Variants in HSD17B11 observed in about 807,000 individuals in gnomAD.
HSD17B11 encodes estradiol 17-beta-dehydrogenase 11.
A neutral mutation model predicts 27.8 loss-of-function variants in HSD17B11; 22 were observed. The observed-to-expected ratio is 0.79, with a 90% CI of 0.56 to 1.13. The LOEUF (loss-of-function observed/expected upper bound fraction) is 1.13, where lower values mean the gene tolerates loss of function less well. Among genes scored for constraint, HSD17B11 ranks in the 50% most tolerant of loss-of-function variants. The probability of loss-of-function intolerance (pLI) is 0.00; values close to 1 mark genes in which losing one functional copy is unlikely to be tolerated. For synonymous variants in HSD17B11, 117 were observed against 132.8 expected (o/e 0.88, Z 0.82); for missense variants, 314 against 351.1 (o/e 0.89, Z 0.84).
intron 3 of HSD17B11, among the ~76,000 whole-genome samples, chr4:87,373,870 C>CT (rs1735769144): frequency 6.6e-6 from 1 of 151,920 alleles, no homozygotes; most frequent in South Asian, 2.1e-4. Context: ...TCCAAGAAAA[C>CT]TTTGAGGGGC....
intron 5 of HSD17B11, among the ~76,000 whole-genome samples, chr4:87,343,417 G>A (rs1463073711): frequency 6.6e-6 from 1 of 152,082 alleles, no homozygotes; most frequent in Non-Finnish European, 1.5e-5. Flanking sequence ...CTGCTGGGGT[G>A]GGAAAGGAGG....
At chr4:87,345,303 G>A (rs1735250123) in intron 5 of HSD17B11, 1 of 151,916 alleles carries the variant, frequency 6.6e-6, no homozygotes, top group Non-Finnish European at 1.5e-5. Flanking sequence ...GACTCATGAG[G>A]TGCAGTGAAA....
chr4:87,374,032 A>G (rs1735772090), intron 3 of HSD17B11, among the ~76,000 whole-genome samples: 2 of 152,174 alleles, frequency 1.3e-5, no homozygotes, highest in African/African-American at 4.8e-5. Context: ...CCTGAGCCTC[A>G]TGCAAATTGA....
At chr4:87,388,829 A>G (rs114161644) in intron 1 of HSD17B11, among the ~76,000 whole-genome samples, 3,474 of 152,342 alleles carry the variant, frequency 0.023, 66 homozygotes, top group Non-Finnish European at 0.035. Context: ...AAGATCAGAG[A>G]AAATTTTGTA....
chr4:87,378,949 TATATA>T (rs1720048286), intron 2 of HSD17B11, among the ~76,000 whole-genome samples: 3 of 25,192 alleles, frequency 1.2e-4, no homozygotes, highest in African/African-American at 4.7e-4. Context: ...TATATATATT[TATATA>T]TATATATTTT....
chr4:87,361,006 A>G (rs557916569), intron 4 of HSD17B11, among the ~76,000 whole-genome samples: 2 of 152,340 alleles, frequency 1.3e-5, no homozygotes, highest in South Asian at 4.1e-4. Context: ...CATGCATATC[A>G]TGATTATTTT....
chr4:87,388,181 C>A (rs868166782), intron 1 of HSD17B11, among the ~76,000 whole-genome samples: 4,739 of 115,130 alleles, frequency 0.041, 287 homozygotes, highest in African/African-American at 0.15. Context: ...AAAAAAAAAA[C>A]AATCTAGTGG....
chr4:87,355,039 G>A (rs2110116294), intron 5 of HSD17B11, among the ~76,000 whole-genome samples: 1 of 151,398 alleles, frequency 6.6e-6, no homozygotes, highest in East Asian at 1.9e-4. Flanking sequence ...GGTTGCTTGA[G>A]CCCAGTTCAA....
chr4:87,378,540 C>A (rs1719966923), intron 2 of HSD17B11, among the ~76,000 whole-genome samples: 1 of 151,316 alleles, frequency 6.6e-6, no homozygotes, highest in South Asian at 2.1e-4. Flanking sequence ...TATTATTAAT[C>A]ATTTTTACTA....
chr4:87,389,020 T>A (rs1268157565), intron 1 of HSD17B11, among the ~76,000 whole-genome samples: 3 of 152,146 alleles, frequency 2.0e-5, no homozygotes, highest in African/African-American at 7.2e-5. Context: ...CTTTTTGAGG[T>A]ATGTATTGTT....
intron 6 of HSD17B11, among the ~76,000 whole-genome samples, chr4:87,339,544 G>T (rs757505188): frequency 2.0e-5 from 3 of 152,138 alleles, no homozygotes; most frequent in Non-Finnish European, 4.4e-5. Context: ...CACTGACTTG[G>T]AGAAGCCCAG....
At chr4:87,378,404 C>T (rs1457087762) in intron 2 of HSD17B11, among the ~76,000 whole-genome samples, 1 of 152,090 alleles carries the variant, frequency 6.6e-6, no homozygotes, top group Non-Finnish European at 1.5e-5. Flanking sequence ...CATTTTGATA[C>T]AGGCATGCAG....
intron 4 of HSD17B11, among the ~76,000 whole-genome samples, chr4:87,364,101 G>GAA (rs35359937): frequency 1.3e-5 from 2 of 151,944 alleles, no homozygotes; most frequent in Admixed American, 1.3e-4. Context: ...TGTTTTGCTG[G>GAA]AAAAAGGTTT....
chr4:87,374,576 T>C, intron 3 of HSD17B11, 123 bp downstream of exon 3: 5 of 840,788 alleles, frequency 5.9e-6, no homozygotes, highest in Non-Finnish European at 9.4e-6. Flanking sequence ...TTGTATAATG[T>C]TATCCCTGGT....
chr4:87,360,534 C>T (rs376704959), intron 4 of HSD17B11, among the ~76,000 whole-genome samples: 24 of 152,268 alleles, frequency 1.6e-4, no homozygotes, highest in Non-Finnish European at 2.9e-4. Flanking sequence ...CTGGTAATAC[C>T]GCTGTCACCA....
chr4:87,382,772 A>G lies in HSD17B11; in HGVS notation c.211-410T>C, dbSNP rs145917414. Reference sequence around the variant, plus strand: ...CTGCAAAAGAAATAATGAGTTAACCACAGTTCATTAAACCATTTGTTCTTT... The same window carrying G: ...CTGCAAAAGAAATAATGAGTTAACCGCAGTTCATTAAACCATTTGTTCTTT... On this transcript the variant is annotated intron_variant, in intron 1 of 6. Transcript: ENST00000358290. Among the ~76,000 whole-genome samples, 524 of 152,338 alleles carry G rather than the reference A, an allele frequency of 3.4e-3. 2 individuals are homozygous for G. The highest frequency in any genetic ancestry group is 0.012 in the African/African-American group (491 of 41,578).
In HSD17B11 at chr4:87,374,709, G is replaced by T; in HGVS notation, c.440C>A (p.Ala147Glu). The stretch of plus-strand genomic sequence containing the variant: ...AGAAGCCATACTCACCCAGAAATGT[G>T]CAAGTACATTAACTTCAAAAGTCTT... ...IEKTFEVNVL[A>E]HFWTTKAFLP... Residue 147 changes from alanine to glutamate, a missense_variant, in exon 3 of 7, where the codon GCA (alanine) becomes GAA (glutamate). Coordinates refer to ENST00000358290, the MANE Select transcript of HSD17B11 (RefSeq NM_016245.5). The T allele has an allele frequency of 1.2e-6, 2 of 1,600,630 alleles. No individual in the cohort carries two copies. The highest frequency in any genetic ancestry group is 1.7e-6 in the Non-Finnish European group (2 of 1,176,902).
chr4:87,383,720 C>T (rs1341150868), intron 1 of HSD17B11, among the ~76,000 whole-genome samples: 2 of 142,222 alleles, frequency 1.4e-5, no homozygotes, highest in African/African-American at 2.7e-5. Context: ...GTTATCTTTG[C>T]TTGTTTGCTT....
chr4:87,361,801 G>A (rs1462582870), intron 4 of HSD17B11, among the ~76,000 whole-genome samples: 1 of 152,040 alleles, frequency 6.6e-6, no homozygotes, highest in African/African-American at 2.4e-5. Flanking sequence ...TTTGCACTGT[G>A]GACTCACCCT....
Sources: allele counts gnomAD v4.1 joint callset (sites outside exome capture counted in the v4.1 genomes callset), GRCh38; gene constraint gnomAD v4.1.1; transcripts MANE v1.5; gene names NCBI Gene and HGNC (gene_info 2026-07-23, HGNC 2026-07-21).